The following ITPR2 variants were observed in gnomAD, a reference collection of about 807,000 sequenced individuals.
ITPR2 encodes the protein inositol 1,4,5-trisphosphate receptor type 2, also known as inositol 1,4,5-trisphosphate-gated calcium channel ITPR2.
Under a neutral mutation model 317.1 loss-of-function variants are expected in ITPR2, and 207 were observed. The ratio of observed to expected loss-of-function variants is 0.65; its 90% confidence interval spans 0.58 to 0.73. The LOEUF (loss-of-function observed/expected upper bound fraction) is 0.73. ITPR2 is among the 30% of genes least tolerant of loss of function. The pLI, the probability that ITPR2 is intolerant of heterozygous loss-of-function variation, is 0.00. For synonymous variants in ITPR2, 1,156 were observed against 1,149.1 expected (o/e 1.01, Z -0.12); for missense variants, 2,613 against 3,284.0 (o/e 0.80, Z 4.99).
chr12:26,778,613 G>T (rs566147715), intron 2 of ITPR2, among the ~76,000 whole-genome samples: 94 of 152,334 alleles, frequency 6.2e-4, no homozygotes, highest in African/African-American at 2.1e-3. Flanking sequence ...TACTACAGGG[G>T]TATATCAACT....
At chr12:26,489,699 C>T (rs1232626293) in intron 39 of ITPR2, among the ~76,000 whole-genome samples, 1 of 152,146 alleles carries the variant, frequency 6.6e-6, no homozygotes, top group Non-Finnish European at 1.5e-5. Context: ...CCTCCTATAC[C>T]TTCTCCTTCA....
intron 42 of ITPR2, among the ~76,000 whole-genome samples, chr12:26,482,893 G>C (rs187812528): frequency 6.6e-6 from 1 of 152,128 alleles, no homozygotes; most frequent in African/African-American, 2.4e-5. Context: ...TGCTCTCAAT[G>C]ACTTTTTTAA....
At chr12:26,627,986 C>A in intron 23 of ITPR2, 47 bp downstream of exon 23, 1 of 1,505,952 alleles carries the variant, frequency 6.6e-7, no homozygotes, top group South Asian at 1.3e-5. Context: ...CTTTCAAGTT[C>A]TCAGAAAAAT....
chr12:26,543,670 G>A (rs575222532), intron 37 of ITPR2, among the ~76,000 whole-genome samples: 37 of 152,214 alleles, frequency 2.4e-4, no homozygotes, highest in African/African-American at 8.4e-4. Context: ...TCGGAAGGCT[G>A]AGGCAGGAGA....
chr12:26,681,742 C>T, intron 13 of ITPR2, 132 bp downstream of exon 13: 2 of 582,962 alleles, frequency 3.4e-6, no homozygotes, highest in East Asian at 5.3e-5. Flanking sequence ...GAATAAGTTC[C>T]CATCTCATTC....
intron 55 of ITPR2, among the ~76,000 whole-genome samples, chr12:26,368,434 T>G (rs544907535): frequency 4.6e-5 from 7 of 152,322 alleles, no homozygotes; most frequent in African/African-American, 1.2e-4. Flanking sequence ...GTATATTCCT[T>G]TTTATAAAAG....
At chr12:26,736,958 CAGAG>C (rs1186392607) in intron 2 of ITPR2, among the ~76,000 whole-genome samples, 2 of 152,196 alleles carry the variant, frequency 1.3e-5, no homozygotes, top group Admixed American at 1.3e-4. Context: ...TGTTGCCTAA[CAGAG>C]AGAAAACAAA....
At chr12:26,586,936 G>T (rs960175027) in intron 32 of ITPR2, among the ~76,000 whole-genome samples, 26 of 151,858 alleles carry the variant, frequency 1.7e-4, no homozygotes, top group Admixed American at 1.4e-3. Flanking sequence ...AATATTTACT[G>T]TTTTGCTGTT....
intron 55 of ITPR2, among the ~76,000 whole-genome samples, chr12:26,368,270 G>A (rs937356218): frequency 4.6e-5 from 7 of 152,304 alleles, no homozygotes; most frequent in African/African-American, 1.4e-4. Context: ...AAAAAAGGAA[G>A]CAAGAAGCAG....
chr12:26,454,069 A>G (rs1215521587), intron 45 of ITPR2, among the ~76,000 whole-genome samples: 1 of 152,132 alleles, frequency 6.6e-6, no homozygotes, highest in African/African-American at 2.4e-5. Context: ...GATGGCATAC[A>G]GTATTTTTTG....
chr12:26,536,092 A>G (rs2136970364), intron 37 of ITPR2, among the ~76,000 whole-genome samples: 2 of 152,350 alleles, frequency 1.3e-5, no homozygotes, highest in African/African-American at 4.8e-5. Flanking sequence ...CTGTGTATAT[A>G]GCAAAGTAGA....
At chr12:26,492,236 C>T (rs1019894463) in intron 39 of ITPR2, among the ~76,000 whole-genome samples, 52 of 152,084 alleles carry the variant, frequency 3.4e-4, no homozygotes, top group African/African-American at 7.5e-4. Context: ...AAAAATATTT[C>T]GGTTGTGAAG....
chr12:26,608,410 C>T (rs1474056428), intron 26 of ITPR2, among the ~76,000 whole-genome samples: 2 of 152,152 alleles, frequency 1.3e-5, no homozygotes, highest in Non-Finnish European at 2.9e-5. Context: ...CCGGGCCCCC[C>T]ACCGTCTGGG....
chr12:26,729,318 C>G (rs1333729730), intron 2 of ITPR2, among the ~76,000 whole-genome samples: 1 of 152,060 alleles, frequency 6.6e-6, no homozygotes, highest in Non-Finnish European at 1.5e-5. Flanking sequence ...ATAACAGATG[C>G]TAGTGAGGTT....
chr12:26,411,622 C>T (rs1440404681), intron 51 of ITPR2, among the ~76,000 whole-genome samples: 1 of 152,184 alleles, frequency 6.6e-6, no homozygotes, highest in Non-Finnish European at 1.5e-5. Flanking sequence ...TAGGCCAACC[C>T]ACTAAAAGCC....
chr12:26,598,525 T>C (rs1335722613), intron 30 of ITPR2, among the ~76,000 whole-genome samples: 4 of 152,222 alleles, frequency 2.6e-5, no homozygotes, highest in South Asian at 2.1e-4. Flanking sequence ...CAATGTATCA[T>C]ACTTGCTTCC....
At chr12:26,480,486 T>C (rs1053288532) in intron 43 of ITPR2, among the ~76,000 whole-genome samples, 2 of 152,176 alleles carry the variant, frequency 1.3e-5, no homozygotes, top group Non-Finnish European at 2.9e-5. Context: ...TGGAATTCTG[T>C]AGTCAATGTG....
At chr12:26,512,009 T>A (rs1943362128) in intron 37 of ITPR2, among the ~76,000 whole-genome samples, 1 of 152,158 alleles carries the variant, frequency 6.6e-6, no homozygotes, top group South Asian at 2.1e-4. Flanking sequence ...CCTCATCTAC[T>A]CTTCATCTCA....
At chr12:26,614,925 G>A (rs1211446872) in intron 26 of ITPR2, among the ~76,000 whole-genome samples, 1 of 152,144 alleles carries the variant, frequency 6.6e-6, no homozygotes, top group African/African-American at 2.4e-5. Context: ...ACAACATAAA[G>A]AATGAACCTT....
Sources: gnomAD v4.1 joint callset for allele counts (sites outside exome capture counted in the v4.1 genomes callset) on GRCh38, gnomAD v4.1.1 for gene constraint, MANE v1.5 for transcripts, NCBI Gene and HGNC (gene_info 2026-07-23, HGNC 2026-07-21) for gene names.